The following ZC3HAV1 variants were observed in gnomAD, a reference collection of about 807,000 sequenced individuals.
ZC3HAV1 encodes the protein zinc finger CCCH-type antiviral protein 1.
ZC3HAV1 carries 41 observed loss-of-function variants against 86.6 expected under a neutral mutation model. The observed-to-expected ratio is 0.47, with a 90% confidence interval of 0.37 to 0.61. The LOEUF (loss-of-function observed/expected upper bound fraction) is 0.61. Ranked by LOEUF, ZC3HAV1 falls within the 20% of genes least tolerant of loss-of-function variation. The pLI, the probability that ZC3HAV1 is intolerant of heterozygous loss-of-function variation, is 0.00. For missense variants in ZC3HAV1, 964 were observed against 1,141.1 expected (o/e 0.84, Z 2.24); for synonymous variants, 421 against 432.1 (o/e 0.97, Z 0.32).
chr7:139,061,220 T>A, intron 8 of ZC3HAV1, 82 bp from the exon 9 acceptor site: 1 of 1,341,686 alleles, frequency 7.5e-7, no homozygotes, highest in Non-Finnish European at 1.0e-6. Context: ...GCAGAGGCTA[T>A]TTACACGGCA....
At chr7:139,093,267 A>C (rs930695762) in intron 1 of ZC3HAV1, among the ~76,000 whole-genome samples, 5 of 152,174 alleles carry the variant, frequency 3.3e-5, no homozygotes, top group African/African-American at 1.2e-4. Flanking sequence ...AAACTTTTTC[A>C]AACCAAAAAA....
At chr7:139,105,808 C>G (rs1400416007) in intron 1 of ZC3HAV1, among the ~76,000 whole-genome samples, 1 of 151,860 alleles carries the variant, frequency 6.6e-6, no homozygotes, top group East Asian at 1.9e-4. Flanking sequence ...TTCTTAAACT[C>G]ACAAGTGGCA....
At chr7:139,078,122 C>A (rs1817008492) in intron 5 of ZC3HAV1, among the ~76,000 whole-genome samples, 2 of 152,324 alleles carry the variant, frequency 1.3e-5, no homozygotes, top group Admixed American at 1.3e-4. Context: ...GCCTGTAACC[C>A]CAGCTACCTG....
At chr7:139,072,881 A>C (rs148285867) in intron 7 of ZC3HAV1, among the ~76,000 whole-genome samples, 100 of 152,348 alleles carry the variant, frequency 6.6e-4, no homozygotes, top group Non-Finnish European at 1.2e-3. Context: ...AGCTCAAAGC[A>C]GTAGTCTCTG....
intron 1 of ZC3HAV1, among the ~76,000 whole-genome samples, chr7:139,091,566 C>T (rs549764502): frequency 1.3e-5 from 2 of 152,308 alleles, no homozygotes; most frequent in South Asian, 4.1e-4. Flanking sequence ...GCCTCTTTAT[C>T]TCACAAGGAT....
Position 139,064,956 on chromosome 7 carries a change from T to C in ZC3HAV1, c.1916A>G (p.Glu639Gly), listed in dbSNP as rs1816554319. 4 of 1,613,984 alleles carry C rather than the reference T, an allele frequency of 2.5e-6. No homozygotes were observed. ...KNSNVDSSYL[E>G]SLYQSCPRGV... ...CCTCGGACAGGATTGATAGAGAGAC[T>C]CCAGGTATGAAGAGTCGACGTTTGA... Residue 639 changes from glutamate to glycine, a missense_variant, in exon 8 of 13, where the codon GAG becomes GGG. Glu to Gly is a moderately conservative substitution (Grantham distance 98). Transcript: ENST00000242351.
intron 1 of ZC3HAV1, among the ~76,000 whole-genome samples, chr7:139,101,814 C>T (rs2130737481): frequency 6.6e-6 from 1 of 151,982 alleles, no homozygotes; most frequent in Non-Finnish European, 1.5e-5. Context: ...AGGCAGCAGA[C>T]TCGTTAAGAG....
intron 9 of ZC3HAV1, among the ~76,000 whole-genome samples, chr7:139,058,700 T>G (rs1017176399): frequency 1.3e-5 from 2 of 152,122 alleles, no homozygotes; most frequent in African/African-American, 2.4e-5. Context: ...GGGTGCTGTA[T>G]TCATGTGAAT....
chr7:139,083,924 G>A lies in ZC3HAV1; in HGVS notation c.553C>T (p.Pro185Ser). The change falls in exon 3 of 13, where the codon CCC becomes TCC. Residue 185 changes from proline to serine, a missense_variant. By Grantham distance (74) the Pro-to-Ser change is moderately conservative. Transcript: ENST00000242351. ...DHFTRGNCRF[P>S]NCLRSHNLMD... ...AGGTTATGGGACCGGAGGCAGTTGG[G>A]AAAACGACAGTTCCCTCGGGTGAAG... is the stretch of plus-strand genomic sequence containing the variant. 6.2e-7 allele frequency: 1 copy of A among 1,614,062 alleles called. No individual in the cohort carries two copies. Among genetic ancestry groups the A allele is most frequent in the African/African-American group, 1.3e-5 (1 of 74,998 alleles).
At chr7:139,087,692 T>C (rs1359912113) in intron 2 of ZC3HAV1, among the ~76,000 whole-genome samples, 4 of 152,070 alleles carry the variant, frequency 2.6e-5, no homozygotes, top group African/African-American at 9.7e-5. Context: ...TCAAAAAGTA[T>C]TTAAGCCTCC....
chr7:139,097,428 A>ATATTTTTTTTTTT, intron 1 of ZC3HAV1, among the ~76,000 whole-genome samples: 5 of 48,158 alleles, frequency 1.0e-4, no homozygotes, highest in African/African-American at 4.5e-4. Flanking sequence ...ATATATATAT[A>ATATTTTTTTTTTT]TTTTTTTTTT....
At chr7:139,083,462 C>T (rs920305209) in intron 3 of ZC3HAV1, among the ~76,000 whole-genome samples, 4 of 152,190 alleles carry the variant, frequency 2.6e-5, no homozygotes, top group Non-Finnish European at 2.9e-5. Context: ...GGTGCAGTGG[C>T]TCATGCTTGT....
At chr7:139,082,540 CTG>C (rs1395544607) in intron 3 of ZC3HAV1, among the ~76,000 whole-genome samples, 24 of 152,266 alleles carry the variant, frequency 1.6e-4, no homozygotes, top group African/African-American at 5.5e-4. Flanking sequence ...AAAGTGGTAT[CTG>C]TACACCATGT....
Position 139,047,493 on chromosome 7 carries a change from T to A in ZC3HAV1, c.*101A>T. The A allele has an allele frequency of 6.6e-7, 1 of 1,525,128 alleles. No individual in the cohort carries two copies. Among genetic ancestry groups the A allele is most frequent in the Non-Finnish European group, 8.9e-7 (1 of 1,124,424 alleles). 94.5% of individuals were successfully genotyped at this position (1,525,128 alleles called of 1,614,324 possible). The stretch of plus-strand genomic sequence containing the variant: ...CCACTGATCTAAGACATTAGATAAC[T>A]GAGCAGGAAAATATAAAACTTTAAC... On this transcript the variant is annotated 3_prime_UTR_variant, in exon 13 of 13. Coordinates refer to ENST00000242351, the MANE Select transcript of ZC3HAV1 (RefSeq NM_020119.4).
intron 12 of ZC3HAV1, 27 bp downstream of exon 12, chr7:139,053,424 G>C: frequency 6.4e-7 from 1 of 1,550,410 alleles, no homozygotes; most frequent in Non-Finnish European, 8.7e-7. Flanking sequence ...GACTCTACTA[G>C]TTACGCTTCT....
chr7:139,077,458 G>A lies in ZC3HAV1; in HGVS notation c.1574-1049C>T, dbSNP rs149068678. Among the ~76,000 whole-genome samples the A allele has an allele frequency of 1.1e-3, 168 of 152,312 alleles. 1 individual carries two copies. Among genetic ancestry groups the A allele is most frequent in the Middle Eastern group, 3.4e-3 (1 of 294 alleles). On this transcript the variant is annotated intron_variant, in intron 5 of 12. Coordinates refer to ENST00000242351, the MANE Select transcript of ZC3HAV1 (RefSeq NM_020119.4). The stretch of plus-strand genomic sequence containing the variant: ...GGGTTGTCACCATGATGGCCAGACT[G>A]GTCTTGAACTCCTGGCCTCAAGTGA...
At chr7:139,053,889 T>A (rs141663570) in intron 11 of ZC3HAV1, 76 bp downstream of exon 11, 1 of 1,508,604 alleles carries the variant, frequency 6.6e-7, no homozygotes, top group Non-Finnish European at 8.8e-7. Flanking sequence ...AATCAGTGAA[T>A]ATAAATCTCA....
chr7:139,096,628 A>AG (rs1307744399), intron 1 of ZC3HAV1, among the ~76,000 whole-genome samples: 3 of 152,224 alleles, frequency 2.0e-5, no homozygotes, highest in Non-Finnish European at 2.9e-5. Flanking sequence ...TAAAAGTCAT[A>AG]GAACCCCTAA....
rs1289024044 is a variant in ZC3HAV1 at position 139,083,859 on chromosome 7, C to T, written c.618G>A (p.Gly206=). The change falls in exon 3 of 13, where the codon GGG becomes GGA. Residue 206 remains glycine, a synonymous_variant. Transcript: ENST00000242351. ...RKVLAIMREH[G]LNPDVVQNIQ... is the part of the protein sequence containing the mutation. ...TGTTCTGGACCACGTCGGGGTTCAGCCCGTGCTCCCTCATGATGGCCAGCA... is the reference window on the plus strand; with the variant it reads ...TGTTCTGGACCACGTCGGGGTTCAGTCCGTGCTCCCTCATGATGGCCAGCA... 4 of 1,614,112 alleles carry T rather than the reference C, an allele frequency of 2.5e-6. No homozygotes were observed. Among genetic ancestry groups the T allele is most frequent in the East Asian group, 2.2e-5 (1 of 44,882 alleles).
Sources: allele counts gnomAD v4.1 joint callset (sites outside exome capture counted in the v4.1 genomes callset), GRCh38; gene constraint gnomAD v4.1.1; transcripts MANE v1.5; gene names NCBI Gene and HGNC (gene_info 2026-07-23, HGNC 2026-07-21).